Variants in ITGA7 observed in about 807,000 individuals in gnomAD.
The protein encoded by ITGA7 is integrin alpha-7.
A neutral mutation model predicts 131.6 loss-of-function variants in ITGA7; 84 were observed. That is an observed-to-expected ratio of 0.64 (90% CI 0.54 to 0.77). The LOEUF (loss-of-function observed/expected upper bound fraction) is 0.77. Ranked by LOEUF, ITGA7 falls within the 30% of genes least tolerant of loss-of-function variation. The pLI, the probability that ITGA7 is intolerant of heterozygous loss-of-function variation, is 0.00. For missense variants in ITGA7, 1,399 were observed against 1,482.9 expected (o/e 0.94, Z 0.93); for synonymous variants, 548 against 600.7 (o/e 0.91, Z 1.28).
chr12:55,702,140 C>T (rs1292077106), intron 3 of ITGA7, among the ~76,000 whole-genome samples: 4 of 151,812 alleles, frequency 2.6e-5, no homozygotes, highest in East Asian at 1.9e-4. Context: ...CTCAGCCTCC[C>T]GAGTACCTGG....
At position 55,695,425 on chromosome 12, in the gene ITGA7, C is replaced by T. The variant is rs3817532; in HGVS notation, c.2003+97G>A. ...TTCCACCTTCTGCCTTTTCTGCAGGCTCAGCCCTTCCCTCTGACTGGTCCT... is the reference window on the plus strand; with the variant it reads ...TTCCACCTTCTGCCTTTTCTGCAGGTTCAGCCCTTCCCTCTGACTGGTCCT... On this transcript the variant is annotated intron_variant, in intron 14 of 24. Transcript: ENST00000257879. The T allele has an allele frequency of 0.53, 475,571 of 892,538 alleles. 133,649 individuals carry two copies. Among genetic ancestry groups the T allele is most frequent in the East Asian group, 0.93 (35,280 of 37,780 alleles). 55.3% of individuals were successfully genotyped at this position (892,538 alleles called of 1,614,324 possible). A position where few individuals can be genotyped will look rare whatever the true frequency, so the allele number is the denominator to read the frequency against.
chr12:55,707,219 A>G (rs1234940424), intron 1 of ITGA7, among the ~76,000 whole-genome samples: 1 of 152,184 alleles, frequency 6.6e-6, no homozygotes, highest in Non-Finnish European at 1.5e-5. Context: ...GGCCCAGAAG[A>G]AGGAGATGGT....
chr12:55,684,809 G>C lies in ITGA7; in HGVS notation c.*249C>G, dbSNP rs1869716218. ...TCCCTTCTCCCCACCTTTGCATCAGGACACCCCTGCCCTTCTCACCCTACC... is the reference window on the plus strand; with the variant it reads ...TCCCTTCTCCCCACCTTTGCATCAGCACACCCCTGCCCTTCTCACCCTACC... On this transcript the variant is annotated 3_prime_UTR_variant, in exon 25 of 25. Coordinates refer to ENST00000257879, the MANE Select transcript of ITGA7 (RefSeq NM_002206.3). 1.9e-6 allele frequency: 1 copy of C among 528,396 alleles called. No homozygotes were observed. The highest frequency in any genetic ancestry group is 1.9e-5 in the African/African-American group (1 of 52,844). 32.7% of individuals were successfully genotyped at this position (528,396 alleles called of 1,614,324 possible).
chr12:55,687,836 G>T, intron 24 of ITGA7, 135 bp downstream of exon 24: 1 of 1,210,700 alleles, frequency 8.3e-7, no homozygotes, highest in Non-Finnish European at 1.2e-6. Context: ...TAGAGTTCCT[G>T]AGACATGCAG....
At chr12:55,693,030 G>A in intron 20 of ITGA7, 55 bp from the exon 21 acceptor site, 15 of 1,613,504 alleles carry the variant, frequency 9.3e-6, no homozygotes, top group South Asian at 4.4e-5. Context: ...GCAGTGCTAA[G>A]ATCGAATCTC....
chr12:55,700,057 G>C, intron 4 of ITGA7, 68 bp from the exon 5 acceptor site: 1 of 1,584,610 alleles, frequency 6.3e-7, no homozygotes. Flanking sequence ...TAGGGAGACA[G>C]AGCCACAGAA....
At chr12:55,714,355 AC>A (rs1565650319), upstream of ITGA7, among the ~76,000 whole-genome samples, 4 of 113,348 alleles carry the variant, frequency 3.5e-5, no homozygotes, top group African/African-American at 1.7e-4. Context: ...TACTAAAAAT[AC>A]AAAAAAAAAA....
chr12:55,716,192 G>A (rs751303015), upstream of ITGA7: 1 of 1,608,792 alleles, frequency 6.2e-7, no homozygotes, highest in African/African-American at 1.3e-5. Context: ...GCAAGGAGCT[G>A]CAGGGTGAGC....
intron 24 of ITGA7, among the ~76,000 whole-genome samples, chr12:55,685,597 CT>C (rs1869930740): frequency 6.6e-6 from 1 of 152,150 alleles, no homozygotes; most frequent in African/African-American, 2.4e-5. Flanking sequence ...TTTGTACCCC[CT>C]CTAGCTTCTT....
rs1224333192 is a variant in ITGA7, at chr12:55,699,930, A to C, written c.730T>G (p.Leu244Val). ...CCTGGGAGCCGGTCAGCAGGGTCCA[A>C]AGTTTTATACACCAGCTGGTCGGGG... ...SDPDQLVYKT[L>V]DPADRLPGPA... The change falls in exon 5 of 25, where the codon TTG (leucine) becomes GTG (valine). Residue 244 changes from leucine (L) to valine (V), a missense_variant. Physicochemically the swap from Leu to Val is conservative, Grantham distance 32 (BLOSUM62 1). Transcript: ENST00000257879. The C allele has an allele frequency of 1.2e-6, 2 of 1,614,062 alleles. No individual in the cohort carries two copies. Among genetic ancestry groups the C allele is most frequent in the Non-Finnish European group, 1.7e-6 (2 of 1,180,014 alleles).
upstream of ITGA7, among the ~76,000 whole-genome samples, chr12:55,714,719 C>CGT: frequency 2.0e-5 from 3 of 150,090 alleles, no homozygotes; most frequent in African/African-American, 7.3e-5. Flanking sequence ...TACATATATA[C>CGT]ATATACATAC....
intron 21 of ITGA7, among the ~76,000 whole-genome samples, chr12:55,691,628 C>T (rs1363308970): frequency 6.6e-6 from 1 of 152,116 alleles, no homozygotes; most frequent in Non-Finnish European, 1.5e-5. Context: ...TACATTTTAA[C>T]ATGAAAACAA....
rs368745819 is a variant in ITGA7, at chr12:55,694,760, C to T, written c.2196+18G>A. 3.3e-5 allele frequency: 54 copies of T among 1,614,138 alleles called. 2 individuals are homozygous for T. The African/African-American group carries it at 4.7e-4, about 14-fold the overall frequency. Reference sequence around the variant, plus strand: ...GAGCCCCTCAAGACCCCACCCCATCCTGCCCCCAGGTCCTCACCGCAGGGT... The same window carrying T: ...GAGCCCCTCAAGACCCCACCCCATCTTGCCCCCAGGTCCTCACCGCAGGGT... On this transcript the variant is annotated intron_variant, in intron 15 of 24. Transcript: ENST00000257879. This position sits in a 1 kb window ranked among gnomAD's most constrained non-coding sequence, Gnocchi z 5.3.
chr12:55,686,200 A>G (rs935009294), intron 24 of ITGA7: 13 of 1,344,490 alleles, frequency 9.7e-6, no homozygotes, highest in Non-Finnish European at 1.3e-5. Flanking sequence ...CACAACAGTT[A>G]CCCCACAGTC....
rs959627438 is a variant in ITGA7 at position 55,698,391 on chromosome 12, C to T, written c.1184G>A (p.Gly395Asp). The T allele has an allele frequency of 2.7e-5, 44 of 1,612,336 alleles. No homozygotes were observed. The highest frequency in any genetic ancestry group is 3.6e-5 in the Non-Finnish European group (43 of 1,179,196). The change falls in exon 7 of 25, where the codon GGC becomes GAC. Residue 395 changes from glycine (G) to aspartate (D), a missense_variant. Coordinates refer to ENST00000257879, the MANE Select transcript of ITGA7 (RefSeq NM_002206.3). ...CCAGTTCCCCGTCACACCTGGAAAGCCATCTTGGTTGAGGTCCCCCAGGAC... is the reference window on the plus strand; with the variant it reads ...CCAGTTCCCCGTCACACCTGGAAAGTCATCTTGGTTGAGGTCCCCCAGGAC... ...LAVLGDLNQD[G>D]FPDIAVGAPF... is the part of the protein sequence containing the mutation.
Position 55,685,154 on chromosome 12 carries a change from G to C in ITGA7, c.3318C>G (p.Ser1106Arg), listed in dbSNP as rs1229031292. ...GTGCATCCGGGCCCTCCCGCCGGGG[G>C]CTGCCCCAGTTGTTCCTCAGGATGG... ...TGTILRNNWG[S>R]PRREGPDAHP... is the part of the protein sequence containing the mutation. The change falls in exon 25 of 25, where the codon AGC (serine) becomes AGG (arginine). Residue 1106 changes from serine to arginine, a missense_variant. Physicochemically the swap from Ser to Arg is moderately radical, Grantham distance 110 (BLOSUM62 -1). Transcript: ENST00000257879. 17 of 1,613,832 alleles carry C rather than the reference G, an allele frequency of 1.1e-5. No homozygotes were observed. Among genetic ancestry groups the C allele is most frequent in the Non-Finnish European group, 1.4e-5 (17 of 1,180,036 alleles).
At chr12:55,714,279 G>A (rs892454039), upstream of ITGA7, among the ~76,000 whole-genome samples, 5 of 152,046 alleles carry the variant, frequency 3.3e-5, no homozygotes, top group Admixed American at 2.6e-4. Flanking sequence ...TTGGGAGGCC[G>A]AGGCGGGCGG....
At chr12:55,714,860 CTTT>C, upstream of ITGA7, among the ~76,000 whole-genome samples, 1 of 103,064 alleles carries the variant, frequency 9.7e-6, no homozygotes, top group Admixed American at 1.1e-4. Flanking sequence ...GGAATCAAGG[CTTT>C]TTTTTTTTTT....
Position 55,702,922 on chromosome 12 carries a change from G to A in ITGA7, c.364C>T (p.Gln122Ter). ...CTCCGAACACTGACTCCCAACCACT[G>A]GTTCTCCTTGCTTTCCTTTTGCATA... ...ADMQKESKEN[Q>*]WLGVSVRSQG... The change falls in exon 3 of 25, where the codon CAG becomes TAG. Residue 122 changes from glutamine to a stop codon, truncating the protein, a stop_gained. Transcript: ENST00000257879. LOFTEE classifies it high-confidence loss of function. 6.2e-7 allele frequency: 1 copy of A among 1,613,168 alleles called. No homozygotes were observed. Among genetic ancestry groups the A allele is most frequent in the Non-Finnish European group, 8.5e-7 (1 of 1,180,022 alleles).
Sources: gnomAD v4.1 joint callset for allele counts (sites outside exome capture counted in the v4.1 genomes callset) on GRCh38, gnomAD v4.1.1 for gene constraint, Gnocchi (gnomAD v3.1) non-coding constraint, MANE v1.5 for transcripts, NCBI Gene and HGNC (gene_info 2026-07-23, HGNC 2026-07-21) for gene names.